TENM3: variants seen among roughly 807,000 people sequenced by gnomAD.
TENM3 encodes the protein teneurin transmembrane protein 3, also known as teneurin-3.
Under a neutral mutation model 255.1 loss-of-function variants are expected in TENM3, and 63 were observed. The observed-to-expected ratio is 0.25, with a 90% CI of 0.20 to 0.30. The LOEUF is 0.30. Ranked by LOEUF, TENM3 falls within the 10% of genes least tolerant of loss-of-function variation. The pLI, the probability that TENM3 is intolerant of heterozygous loss-of-function variation, is 1.00. For missense variants in TENM3, 2,929 were observed against 3,461.1 expected, an observed-to-expected ratio of 0.85 and a Z score of 3.86; for synonymous variants, 1,306 against 1,322.3, an observed-to-expected ratio of 0.99 and a Z score of 0.27.
At chr4:182,436,091 G>T (rs1403205173) in intron 3 of TENM3, among the ~76,000 whole-genome samples, 3 of 152,018 alleles carry the variant, frequency 2.0e-5, no homozygotes, top group Admixed American at 6.6e-5. Flanking sequence ...GACTGTGAAG[G>T]TCGTAGGGAC....
At chr4:182,737,967 T>C (rs1761301515) in intron 17 of TENM3, among the ~76,000 whole-genome samples, 1 of 152,192 alleles carries the variant, frequency 6.6e-6, no homozygotes, top group Admixed American at 6.5e-5. Flanking sequence ...TTTTGTTCCA[T>C]TGAACCTTAC....
chr4:181,609,270 C>CT, the TENM3 span, among the ~76,000 whole-genome samples: 2 of 152,024 alleles, frequency 1.3e-5, no homozygotes, highest in African/African-American at 2.4e-5. Flanking sequence ...CTTTTGACTT[C>CT]TTTTTTCCAT....
chr4:182,353,985 A>T (rs1404970199), intron 3 of TENM3, among the ~76,000 whole-genome samples: 1 of 151,798 alleles, frequency 6.6e-6, no homozygotes, highest in Non-Finnish European at 1.5e-5. Context: ...AAAAAAAGTT[A>T]CGATTTAAAT....
chr4:182,266,454 G>A (rs1180632821), intron 1 of TENM3, among the ~76,000 whole-genome samples: 2 of 152,134 alleles, frequency 1.3e-5, no homozygotes, highest in Non-Finnish European at 2.9e-5. Flanking sequence ...CAGTTTTTCT[G>A]TAAATTCAAC....
chr4:181,629,099 T>C, the TENM3 span, among the ~76,000 whole-genome samples: 1 of 152,206 alleles, frequency 6.6e-6, no homozygotes, highest in Non-Finnish European at 1.5e-5. Flanking sequence ...TTGAAGCAAT[T>C]GTGAATGGGA....
At chr4:181,905,131 C>T in the TENM3 span, among the ~76,000 whole-genome samples, 1 of 152,168 alleles carries the variant, frequency 6.6e-6, no homozygotes, top group Non-Finnish European at 1.5e-5. Context: ...AGTGTGAAAA[C>T]GGACTAATAC....
At chr4:181,709,412 T>C in the TENM3 span, among the ~76,000 whole-genome samples, 4 of 152,172 alleles carry the variant, frequency 2.6e-5, no homozygotes, top group African/African-American at 9.6e-5. Flanking sequence ...TGAAGAAAAG[T>C]AGCCCCAGGG....
At chr4:181,798,485 C>T in the TENM3 span, among the ~76,000 whole-genome samples, 8 of 151,942 alleles carry the variant, frequency 5.3e-5, no homozygotes, top group Non-Finnish European at 1.2e-4. Context: ...TCCGCTAGTA[C>T]ATCTGGGATA....
the TENM3 span, among the ~76,000 whole-genome samples, chr4:181,612,046 T>C: frequency 6.6e-6 from 1 of 152,290 alleles, no homozygotes; most frequent in Admixed American, 6.5e-5. Flanking sequence ...TCAGGAAAAA[T>C]ATATTTTTTC....
the TENM3 span, among the ~76,000 whole-genome samples, chr4:181,939,041 T>C: frequency 0.19 from 28,719 of 152,052 alleles, 2,838 homozygotes; most frequent in South Asian, 0.3. Context: ...CTCTATTTTC[T>C]AGGGGTTAAT....
At chr4:181,934,949 T>C in the TENM3 span, among the ~76,000 whole-genome samples, 3 of 152,236 alleles carry the variant, frequency 2.0e-5, no homozygotes, top group South Asian at 6.2e-4. Context: ...TTAAACTCTA[T>C]ATTTTGATTA....
At chr4:182,421,886 C>G (rs1770861683) in intron 3 of TENM3, among the ~76,000 whole-genome samples, 1 of 152,162 alleles carries the variant, frequency 6.6e-6, no homozygotes, top group Admixed American at 6.5e-5. Context: ...CTACCAGGTT[C>G]TTGCTGGAGC....
At chr4:182,170,913 T>C (rs1473379477) in intron 1 of TENM3, among the ~76,000 whole-genome samples, 1 of 152,192 alleles carries the variant, frequency 6.6e-6, no homozygotes, top group African/African-American at 2.4e-5. Context: ...AACTATCTAA[T>C]GCGACTTTTG....
intron 3 of TENM3, among the ~76,000 whole-genome samples, chr4:182,453,406 G>A (rs907230171): frequency 2.6e-5 from 4 of 152,062 alleles, no homozygotes; most frequent in East Asian, 1.9e-4. Context: ...TTTGGGAAAC[G>A]ACATACTATA....
intron 1 of TENM3, among the ~76,000 whole-genome samples, chr4:182,268,322 G>A (rs1759375061): frequency 6.6e-6 from 1 of 152,114 alleles, no homozygotes; most frequent in African/African-American, 2.4e-5. Flanking sequence ...TTCTGACTGA[G>A]CTCCTCTCTA....
At chr4:181,590,476 T>C in the TENM3 span, among the ~76,000 whole-genome samples, 1 of 152,186 alleles carries the variant, frequency 6.6e-6, no homozygotes, top group African/African-American at 2.4e-5. Context: ...CTACCCTGTC[T>C]TGGGGAGCTC....
chr4:182,680,265 C>T lies in TENM3; in HGVS notation c.1555C>T (p.Pro519Ser). The change falls in exon 9 of 28, where the codon CCC becomes TCC. Residue 519 changes from proline (P) to serine (S), a missense_variant. Transcript: ENST00000511685. ...TIVIESVVEC[P>S]RNCHGNGECV... Reference sequence around the variant, plus strand: ...TTCTTCAGAGTCTGTGGTGGAATGTCCCCGAAATTGCCATGGAAATGGAGA... The same window carrying T: ...TTCTTCAGAGTCTGTGGTGGAATGTTCCCGAAATTGCCATGGAAATGGAGA... The T allele has an allele frequency of 6.2e-7, 1 of 1,613,094 alleles. No individual in the cohort carries two copies. Among genetic ancestry groups the T allele is most frequent in the East Asian group, 2.2e-5 (1 of 44,872 alleles).
chr4:181,594,499 A>C, the TENM3 span, among the ~76,000 whole-genome samples: 1,575 of 152,198 alleles, frequency 0.01, 22 homozygotes, highest in African/African-American at 0.036. Context: ...CAGCCTCCTT[A>C]CTACTATCCA....
chr4:182,725,269 G>A (rs1760073486), intron 13 of TENM3, among the ~76,000 whole-genome samples: 1 of 152,028 alleles, frequency 6.6e-6, no homozygotes, highest in Non-Finnish European at 1.5e-5. Flanking sequence ...GAATTACTGG[G>A]CTTAAGTGAT....
Sources: allele counts gnomAD v4.1 joint callset (sites outside exome capture counted in the v4.1 genomes callset), GRCh38; gene constraint gnomAD v4.1.1; transcripts MANE v1.5; gene names NCBI Gene and HGNC (gene_info 2026-07-23, HGNC 2026-07-21).